Variants in JAKMIP1 observed in about 807,000 individuals in gnomAD.
The protein encoded by JAKMIP1 is janus kinase and microtubule interacting protein 1.
Under a neutral mutation model 113.0 loss-of-function variants are expected in JAKMIP1, and 33 were observed. That is an observed-to-expected ratio of 0.29 (90% CI 0.22 to 0.39). The LOEUF (loss-of-function observed/expected upper bound fraction) is 0.39, where lower values mean the gene tolerates loss of function less well. Among genes scored for constraint, JAKMIP1 ranks in the 10% least tolerant of loss-of-function variants. The pLI is 1.00. For synonymous variants in JAKMIP1, 480 were observed against 459.9 expected (o/e 1.04, Z -0.56); for missense variants, 813 against 1,080.5 (o/e 0.75, Z 3.47).
intron 1 of JAKMIP1, among the ~76,000 whole-genome samples, chr4:6,128,643 C>T (rs1210495227): frequency 2.6e-5 from 4 of 152,182 alleles, no homozygotes; most frequent in African/African-American, 7.2e-5. Flanking sequence ...GTGCCTCCTC[C>T]GTCCATTCCC....
chr4:6,174,496 C>T lies in JAKMIP1; in HGVS notation c.-148+25757G>A, dbSNP rs1725104870. On this transcript the variant is annotated intron_variant, in intron 1 of 20. Coordinates refer to ENST00000409021, the MANE Select transcript of JAKMIP1 (RefSeq NM_001099433.2). ...ATCAGAGGTCACGGGCCCTCAGGCC[C>T]GATGGTTCCCTCTTGTCCTTGGGAG... Among the ~76,000 whole-genome samples, 5 of 152,256 alleles carry T rather than the reference C, an allele frequency of 3.3e-5. 1 individual carries two copies. Among genetic ancestry groups the T allele is most frequent in the Admixed American group, 2.6e-4 (4 of 15,300 alleles).
chr4:6,046,205 G>T (rs895354065), intron 16 of JAKMIP1, among the ~76,000 whole-genome samples: 1 of 152,316 alleles, frequency 6.6e-6, no homozygotes, highest in East Asian at 1.9e-4. Context: ...GTTCTCAGGG[G>T]GTCCTGCTGA....
rs138385571 is a variant in JAKMIP1, at chr4:6,147,365, T to G, written c.-147-34368A>C. On this transcript the variant is annotated intron_variant, in intron 1 of 20. Coordinates refer to ENST00000409021, the MANE Select transcript of JAKMIP1 (RefSeq NM_001099433.2). ...CAGTAAGTAACAAGGAAATAGTAAC[T>G]GGCTGTCCATGCAGAACACATCTGT... Among the ~76,000 whole-genome samples the G allele has an allele frequency of 6.4e-4, 97 of 152,216 alleles. No individual in the cohort carries two copies. The East Asian group carries it at 0.018, about 28-fold the overall frequency.
rs562458925 is a variant in JAKMIP1, at chr4:6,043,247, G to A, written c.2029-1020C>T. ...AGTGCTTTTCCTGCCACCAGATCCC[G>A]GCTGTGGAGCACCCCCTTTCCTGAC... On this transcript the variant is annotated intron_variant, in intron 16 of 20. Transcript: ENST00000409021. Among the ~76,000 whole-genome samples, 12 of 151,344 alleles carry A rather than the reference G, an allele frequency of 7.9e-5. No homozygotes were observed. The South Asian group carries it at 1.0e-3, about 13-fold the overall frequency.
intron 16 of JAKMIP1, among the ~76,000 whole-genome samples, chr4:6,045,503 A>T (rs1714870040): frequency 6.6e-6 from 1 of 152,208 alleles, no homozygotes; most frequent in Admixed American, 6.5e-5. Flanking sequence ...CCAGGGCAAG[A>T]TGCTGTTTGT....
rs13146777 is a variant in JAKMIP1 at position 6,167,269 on chromosome 4, T to G, written c.-148+32984A>C. On this transcript the variant is annotated intron_variant, in intron 1 of 20. Coordinates refer to ENST00000409021, the MANE Select transcript of JAKMIP1 (RefSeq NM_001099433.2). This position sits in a 1 kb window ranked among gnomAD's most constrained non-coding sequence, Gnocchi z 5.3. ...CCCTCTTGCATCCAAGCAGTCCCCA[T>G]GTCCCATCAGAGCTGGGACTTCATC... Among the ~76,000 whole-genome samples, 84,014 of 151,726 alleles carry G rather than the reference T, an allele frequency of 0.55. 24,979 individuals carry two copies. Among genetic ancestry groups the G allele is most frequent in the East Asian group, 0.76 (3,886 of 5,110 alleles).
chr4:6,068,106 G>C (rs933779677), intron 8 of JAKMIP1, among the ~76,000 whole-genome samples: 3 of 152,188 alleles, frequency 2.0e-5, no homozygotes, highest in African/African-American at 7.2e-5. Flanking sequence ...CACTGTGAAG[G>C]CTCTGCAGGA....
chr4:6,037,090 C>T (rs1237901967), intron 18 of JAKMIP1, among the ~76,000 whole-genome samples: 2 of 148,774 alleles, frequency 1.3e-5, no homozygotes, highest in East Asian at 4.0e-4. Context: ...CAGTAGCCCT[C>T]CATCACTGAG....
rs969187776 is a variant in JAKMIP1 at position 6,067,774 on chromosome 4, G to T, written c.1303-2766C>A. On this transcript the variant is annotated intron_variant, in intron 8 of 20. Coordinates refer to ENST00000409021, the MANE Select transcript of JAKMIP1 (RefSeq NM_001099433.2). The surrounding 1 kb of genome is among the most constrained non-coding windows in gnomAD (Gnocchi z 4.6). ...CGCAGGTCACCCCCCTGAGCTCCAC[G>T]TTCACTCAAGCTCTTCTGCACACGC... Among the ~76,000 whole-genome samples, 1 of 134,370 alleles carries T rather than the reference G, an allele frequency of 7.4e-6. No individual in the cohort carries two copies. Among genetic ancestry groups the T allele is most frequent in the African/African-American group, 2.9e-5 (1 of 33,964 alleles). The allele number at this position is 134,370 out of a possible 152,430, so 88.2% of individuals were successfully genotyped here.
chr4:6,087,510 A>G (rs527933823), intron 3 of JAKMIP1, among the ~76,000 whole-genome samples: 2 of 152,304 alleles, frequency 1.3e-5, no homozygotes, highest in Non-Finnish European at 2.9e-5. Flanking sequence ...TTTTAAAAGA[A>G]GACCACTAAA....
intron 10 of JAKMIP1, 95 bp downstream of exon 10, chr4:6,062,217 G>A: frequency 2.2e-6 from 3 of 1,368,696 alleles, no homozygotes; most frequent in Non-Finnish European, 3.1e-6. Flanking sequence ...AATCCCCTCT[G>A]AGTGTCCAAG....
Position 6,108,641 on chromosome 4 carries a change from C to G in JAKMIP1, c.130-2674G>C, listed in dbSNP as rs998248723. The stretch of plus-strand genomic sequence containing the variant: ...CTTGCCCAAGCCACCTGCAGCAGCC[C>G]TCCCCGCCACACCCTCCATGCTCAA... On this transcript the variant is annotated intron_variant, in intron 2 of 20. Coordinates refer to ENST00000409021, the MANE Select transcript of JAKMIP1 (RefSeq NM_001099433.2). The surrounding 1 kb of genome is among the most constrained non-coding windows in gnomAD (Gnocchi z 5.6). Among the ~76,000 whole-genome samples, 2 of 152,144 alleles carry G rather than the reference C, an allele frequency of 1.3e-5. No individual in the cohort carries two copies. The highest frequency in any genetic ancestry group is 2.9e-5 in the Non-Finnish European group (2 of 68,024).
chr4:6,199,656 T>G lies in JAKMIP1; in HGVS notation c.-148+597A>C, dbSNP rs1205551706. Among the ~76,000 whole-genome samples, 2 of 151,446 alleles carry G rather than the reference T, an allele frequency of 1.3e-5. No individual in the cohort carries two copies. The highest frequency in any genetic ancestry group is 2.0e-4 in the East Asian group (1 of 5,064). On this transcript the variant is annotated intron_variant, in intron 1 of 20. Transcript: ENST00000409021. This position sits in a 1 kb window ranked among gnomAD's most constrained non-coding sequence, Gnocchi z 5.6. ...ACGTGGGCGGAGCAGCGCGAGGGTG[T>G]GCGTGGCAGGGGCCGCGGCGGCGTG...
chr4:6,187,439 A>T lies in JAKMIP1; in HGVS notation c.-148+12814T>A, dbSNP rs775393795. On this transcript the variant is annotated intron_variant, in intron 1 of 20. Transcript: ENST00000409021. The surrounding 1 kb of genome is among the most constrained non-coding windows in gnomAD (Gnocchi z 4.2). ...GATCTGAATGTTTATGTACCCCCAGAATTCATATGTTTCTAGTCACCAGTA... is the reference window on the plus strand; with the variant it reads ...GATCTGAATGTTTATGTACCCCCAGTATTCATATGTTTCTAGTCACCAGTA... Among the ~76,000 whole-genome samples, 9 of 152,222 alleles carry T rather than the reference A, an allele frequency of 5.9e-5. No individual in the cohort carries two copies. The highest frequency in any genetic ancestry group is 1.0e-4 in the Non-Finnish European group (7 of 68,038).
intron 7 of JAKMIP1, among the ~76,000 whole-genome samples, chr4:6,079,201 T>C (rs1043097539): frequency 2.0e-4 from 30 of 152,354 alleles, no homozygotes; most frequent in Admixed American, 5.9e-4. Flanking sequence ...TATTGTTATT[T>C]CACTGAAATA....
Position 6,105,456 on chromosome 4 carries a change from G to T in JAKMIP1, c.624+17C>A. On this transcript the variant is annotated intron_variant, in intron 3 of 20. Coordinates refer to ENST00000409021, the MANE Select transcript of JAKMIP1 (RefSeq NM_001099433.2). The stretch of plus-strand genomic sequence containing the variant: ...GAAGGCCGCGTGCCCGCGGGCGGGG[G>T]AGGGGGCGGCACGTACCAGCCTGCG... 1.3e-6 allele frequency: 2 copies of T among 1,571,570 alleles called. No homozygotes were observed. The highest frequency in any genetic ancestry group is 8.6e-7 in the Non-Finnish European group (1 of 1,161,192).
rs983097100 is a variant in JAKMIP1, at chr4:6,069,537, C to T, written c.1303-4529G>A. Among the ~76,000 whole-genome samples, 1 of 152,052 alleles carries T rather than the reference C, an allele frequency of 6.6e-6. No individual in the cohort carries two copies. The highest frequency in any genetic ancestry group is 1.5e-5 in the Non-Finnish European group (1 of 68,020). On this transcript the variant is annotated intron_variant, in intron 8 of 20. Transcript: ENST00000409021. This position sits in a 1 kb window ranked among gnomAD's most constrained non-coding sequence, Gnocchi z 4.5. ...GCTGAGGCAGAAAGATCGCTTGAGCCCAGGAGTTCAAGATCAACCTGGGCC... is the reference window on the plus strand; with the variant it reads ...GCTGAGGCAGAAAGATCGCTTGAGCTCAGGAGTTCAAGATCAACCTGGGCC...
At position 6,141,487 on chromosome 4, in the gene JAKMIP1, CAA is replaced by C. The variant is rs777734240; in HGVS notation, c.-147-28492_-147-28491del. Reference sequence around the variant, plus strand: ...AAAACAAACAAACAAACACAAAAAACAAAGTGGTAGATGAAACCCTTCCTGGG... The same window carrying C: ...AAAACAAACAAACAAACACAAAAAACAGTGGTAGATGAAACCCTTCCTGGG... On this transcript the variant is annotated intron_variant, in intron 1 of 20. Coordinates refer to ENST00000409021, the MANE Select transcript of JAKMIP1 (RefSeq NM_001099433.2). This position sits in a 1 kb window ranked among gnomAD's most constrained non-coding sequence, Gnocchi z 9.4. Among the ~76,000 whole-genome samples the C allele has an allele frequency of 1.2e-4, 19 of 152,032 alleles. No individual in the cohort carries two copies. Among genetic ancestry groups the C allele is most frequent in the Non-Finnish European group, 2.4e-4 (16 of 68,004 alleles).
chr4:6,067,822 G>A lies in JAKMIP1; in HGVS notation c.1303-2814C>T, dbSNP rs558419183. Among the ~76,000 whole-genome samples, 114 of 147,114 alleles carry A rather than the reference G, an allele frequency of 7.7e-4. No individual in the cohort carries two copies. The highest frequency in any genetic ancestry group is 1.1e-3 in the Non-Finnish European group (74 of 66,670). On this transcript the variant is annotated intron_variant, in intron 8 of 20. Coordinates refer to ENST00000409021, the MANE Select transcript of JAKMIP1 (RefSeq NM_001099433.2). This position sits in a 1 kb window ranked among gnomAD's most constrained non-coding sequence, Gnocchi z 4.6. ...CGCAGGTCACCCCCCTGAGCTCCAC[G>A]TTCACTCAAGCTCTTCTGCACACGC...
Sources: gnomAD v4.1 joint callset for allele counts (sites outside exome capture counted in the v4.1 genomes callset) on GRCh38, gnomAD v4.1.1 for gene constraint, Gnocchi (gnomAD v3.1) non-coding constraint, MANE v1.5 for transcripts, NCBI Gene and HGNC (gene_info 2026-07-23, HGNC 2026-07-21) for gene names.